Variants in PLXDC2 observed in about 807,000 individuals in gnomAD.
PLXDC2 encodes the protein plexin domain-containing protein 2.
In PLXDC2, 40 loss-of-function variants were observed where a neutral mutation model predicts 68.9. The observed-to-expected ratio is 0.58, with a 90% CI of 0.45 to 0.76. The LOEUF (loss-of-function observed/expected upper bound fraction) is 0.76, where lower values mean the gene tolerates loss of function less well. Ranked by LOEUF, PLXDC2 falls within the 30% of genes least tolerant of loss-of-function variation. The pLI, the probability that PLXDC2 is intolerant of heterozygous loss-of-function variation, is 0.00. For synonymous variants in PLXDC2, 243 were observed against 234.2 expected (o/e 1.04, Z -0.34); for missense variants, 644 against 661.9 (o/e 0.97, Z 0.30).
intron 6 of PLXDC2, among the ~76,000 whole-genome samples, chr10:20,151,323 C>T (rs4390249): frequency 0.61 from 92,195 of 152,084 alleles, 28,353 homozygotes; most frequent in Middle Eastern, 0.69. Flanking sequence ...TGCATTATAG[C>T]ATTTAATTCC....
At chr10:20,174,791 AT>A (rs1439097492) in intron 7 of PLXDC2, among the ~76,000 whole-genome samples, 1 of 152,078 alleles carries the variant, frequency 6.6e-6, no homozygotes, top group East Asian at 1.9e-4. Context: ...TTAAAGTATA[AT>A]TAAAAAAAAA....
In PLXDC2 at chr10:20,143,279, A is replaced by T. The variant is rs1834030016; in HGVS notation, c.542-16A>T. Reference sequence around the variant, plus strand: ...GCTTCTTTTTCTGAATATGTTTCCTATTTTTCTAATTCTAGGTTTCATATA... The same window carrying T: ...GCTTCTTTTTCTGAATATGTTTCCTTTTTTTCTAATTCTAGGTTTCATATA... On this transcript the variant is annotated splice_polypyrimidine_tract_variant and intron_variant, in intron 4 of 13. Coordinates refer to ENST00000377252, the MANE Select transcript of PLXDC2 (RefSeq NM_032812.9). 1.3e-6 allele frequency: 2 copies of T among 1,595,682 alleles called. No individual in the cohort carries two copies. The highest frequency in any genetic ancestry group is 1.7e-6 in the Non-Finnish European group (2 of 1,171,426).
At chr10:19,826,778 A>G (rs1181050490) in intron 1 of PLXDC2, among the ~76,000 whole-genome samples, 3 of 152,198 alleles carry the variant, frequency 2.0e-5, no homozygotes, top group Non-Finnish European at 4.4e-5. Context: ...GAATTTTATG[A>G]AAACCTTTTG....
At chr10:19,998,713 C>T (rs1470824912) in intron 1 of PLXDC2, among the ~76,000 whole-genome samples, 3 of 151,948 alleles carry the variant, frequency 2.0e-5, no homozygotes, top group Non-Finnish European at 4.4e-5. Flanking sequence ...TTCCAGGAGG[C>T]ACAGAGATGG....
intron 1 of PLXDC2, among the ~76,000 whole-genome samples, chr10:19,853,079 A>T (rs1278792145): frequency 2.6e-5 from 4 of 152,236 alleles, no homozygotes; most frequent in African/African-American, 9.6e-5. Context: ...CAGTTGCTCA[A>T]TAAAGGTTAC....
chr10:19,826,033 A>C (rs1469710561), intron 1 of PLXDC2, among the ~76,000 whole-genome samples: 1 of 152,244 alleles, frequency 6.6e-6, no homozygotes, highest in South Asian at 2.1e-4. Flanking sequence ...AAATTACATA[A>C]ATGCAATCTG....
intron 7 of PLXDC2, among the ~76,000 whole-genome samples, chr10:20,171,521 G>C (rs935011137): frequency 1.3e-5 from 2 of 152,048 alleles, no homozygotes; most frequent in South Asian, 2.1e-4. Context: ...CCAAGAAAGA[G>C]AGCATTGTAC....
At chr10:20,209,932 G>C (rs1433229547) in intron 9 of PLXDC2, among the ~76,000 whole-genome samples, 1 of 152,106 alleles carries the variant, frequency 6.6e-6, no homozygotes, top group Non-Finnish European at 1.5e-5. Flanking sequence ...AATTATAAAA[G>C]TATTAATTTG....
chr10:19,965,530 C>A (rs976611839), intron 1 of PLXDC2, among the ~76,000 whole-genome samples: 2 of 152,162 alleles, frequency 1.3e-5, no homozygotes, highest in East Asian at 3.8e-4. Flanking sequence ...TGGGTACCAA[C>A]AATTCCCACT....
chr10:20,045,216 G>C (rs111681260), intron 2 of PLXDC2, among the ~76,000 whole-genome samples: 2,701 of 152,214 alleles, frequency 0.018, 79 homozygotes, highest in African/African-American at 0.061. Flanking sequence ...CTGTCTCCCA[G>C]GCTGGAGTGC....
chr10:20,004,755 T>G (rs934412970), intron 2 of PLXDC2, among the ~76,000 whole-genome samples: 10 of 152,330 alleles, frequency 6.6e-5, no homozygotes, highest in Non-Finnish European at 1.5e-4. Context: ...TGGGGGTATA[T>G]TAACACTCCT....
intron 12 of PLXDC2, among the ~76,000 whole-genome samples, chr10:20,221,213 T>C (rs1368237549): frequency 3.9e-5 from 6 of 152,190 alleles, no homozygotes; most frequent in African/African-American, 1.4e-4. Flanking sequence ...AAGAGTTTTC[T>C]AGAACATTAC....
rs1309527757 is a variant in PLXDC2, at chr10:20,206,258, G to A, written c.1062-5411G>A. Reference sequence around the variant, plus strand: ...GCCAAAATACTAACTCAAACAATTGGATTCCAAAGCCTCACTTTTAATCAT... The same window carrying A: ...GCCAAAATACTAACTCAAACAATTGAATTCCAAAGCCTCACTTTTAATCAT... On this transcript the variant is annotated intron_variant, in intron 9 of 13. Transcript: ENST00000377252. 2.6e-5 allele frequency among the ~76,000 whole-genome samples: 4 copies of A among 151,968 alleles called. No individual in the cohort carries two copies. The East Asian group carries it at 5.8e-4, about 22-fold the overall frequency.
At chr10:20,012,289 C>CTT (rs1835127936) in intron 2 of PLXDC2, among the ~76,000 whole-genome samples, 8 of 128,314 alleles carry the variant, frequency 6.2e-5, no homozygotes, top group African/African-American at 2.5e-4. Flanking sequence ...ATAAGAGTCT[C>CTT]TCTCTCTCTC....
intron 5 of PLXDC2, among the ~76,000 whole-genome samples, chr10:20,145,529 A>G (rs1284852732): frequency 6.6e-6 from 1 of 152,048 alleles, no homozygotes; most frequent in African/African-American, 2.4e-5. Flanking sequence ...AAAACTTAAC[A>G]TGTGCAAACA....
At chr10:19,922,051 G>A (rs1833469290) in intron 1 of PLXDC2, among the ~76,000 whole-genome samples, 1 of 152,066 alleles carries the variant, frequency 6.6e-6, no homozygotes, top group Non-Finnish European at 1.5e-5. Flanking sequence ...TAGAGACGAG[G>A]TTTCACCTTG....
intron 1 of PLXDC2, among the ~76,000 whole-genome samples, chr10:19,882,125 C>A (rs1837738718): frequency 6.6e-6 from 1 of 152,156 alleles, no homozygotes; most frequent in Non-Finnish European, 1.5e-5. Context: ...TGATGGATTC[C>A]TAAATGATGG....
At chr10:20,275,470 A>T (rs1835994220) in intron 13 of PLXDC2, among the ~76,000 whole-genome samples, 1 of 152,210 alleles carries the variant, frequency 6.6e-6, no homozygotes. Flanking sequence ...AAAGTATAGG[A>T]TTCATAAACT....
At chr10:20,151,805 A>G (rs1210291466) in intron 6 of PLXDC2, among the ~76,000 whole-genome samples, 1 of 152,130 alleles carries the variant, frequency 6.6e-6, no homozygotes, top group Non-Finnish European at 1.5e-5. Context: ...TAAACTTGCC[A>G]AATTATACAT....
Sources: gnomAD v4.1 joint callset for allele counts (sites outside exome capture counted in the v4.1 genomes callset) on GRCh38, gnomAD v4.1.1 for gene constraint, MANE v1.5 for transcripts, NCBI Gene and HGNC (gene_info 2026-07-23, HGNC 2026-07-21) for gene names.